The following PARD3B variants were observed in gnomAD, a reference collection of about 807,000 sequenced individuals.
The protein encoded by PARD3B is partitioning defective 3 homolog B.
PARD3B carries 103 observed loss-of-function variants against 130.2 expected under a neutral mutation model. The observed-to-expected ratio is 0.79, with a 90% CI of 0.67 to 0.93. PARD3B has a LOEUF of 0.93. PARD3B is among the 40% of genes least tolerant of loss of function. PARD3B has a pLI of 0.00. For synonymous variants in PARD3B, 583 were observed against 553.2 expected, an observed-to-expected ratio of 1.05 and a Z score of -0.76; for missense variants, 1,609 against 1,499.2, an observed-to-expected ratio of 1.07 and a Z score of -1.21.
intron 1 of PARD3B, among the ~76,000 whole-genome samples, chr2:204,661,621 A>G (rs949074453): frequency 1.3e-5 from 2 of 152,182 alleles, no homozygotes; most frequent in African/African-American, 4.8e-5. Flanking sequence ...GAGCTTAAGT[A>G]TATGTGGCTT....
intron 18 of PARD3B, among the ~76,000 whole-genome samples, chr2:205,391,633 T>G (rs555798334): frequency 2.9e-4 from 44 of 152,318 alleles, no homozygotes; most frequent in African/African-American, 1.1e-3. Context: ...CCAGTGAAAG[T>G]GTATGAAAGC....
intron 2 of PARD3B, among the ~76,000 whole-genome samples, chr2:204,783,770 A>T (rs1301844247): frequency 6.6e-6 from 1 of 152,106 alleles, no homozygotes; most frequent in Non-Finnish European, 1.5e-5. Flanking sequence ...AAACCTAAGC[A>T]GCCTGGCTTC....
At chr2:205,471,014 T>G (rs1339415161) in intron 20 of PARD3B, among the ~76,000 whole-genome samples, 1 of 152,232 alleles carries the variant, frequency 6.6e-6, no homozygotes, top group East Asian at 1.9e-4. Flanking sequence ...GTCTGATGTT[T>G]GACAAGTTGC....
At chr2:205,385,838 C>T (rs1171870315) in intron 18 of PARD3B, among the ~76,000 whole-genome samples, 1 of 152,016 alleles carries the variant, frequency 6.6e-6, no homozygotes, top group African/African-American at 2.4e-5. Flanking sequence ...TTTCAGTATA[C>T]CAATACTTTG....
chr2:205,299,949 T>G (rs2041936637), intron 16 of PARD3B, among the ~76,000 whole-genome samples: 2 of 152,178 alleles, frequency 1.3e-5, no homozygotes, highest in Admixed American at 6.5e-5. Context: ...TAGGGTAAGG[T>G]AAAGTGTTTA....
chr2:204,766,807 C>CAA (rs57504030), intron 2 of PARD3B, among the ~76,000 whole-genome samples: 41 of 141,832 alleles, frequency 2.9e-4, no homozygotes, highest in African/African-American at 8.2e-4. Context: ...TTTTGTAAAT[C>CAA]AAAAAAAAAA....
Position 205,116,202 on chromosome 2 carries a change from A to C in PARD3B, c.680+2625A>C, listed in dbSNP as rs991647529. ...ACTTAATTTTATTCAGATTTTTAAAATCAATGTGGTTTTTGTGAATTAAAA... is the reference window on the plus strand; with the variant it reads ...ACTTAATTTTATTCAGATTTTTAAACTCAATGTGGTTTTTGTGAATTAAAA... On this transcript the variant is annotated intron_variant, in intron 6 of 22. Coordinates refer to ENST00000406610, the MANE Select transcript of PARD3B (RefSeq NM_001302769.2). The surrounding 1 kb of genome is among the most constrained non-coding windows in gnomAD (Gnocchi z 4.5). Among the ~76,000 whole-genome samples the C allele has an allele frequency of 5.9e-5, 9 of 152,214 alleles. No homozygotes were observed. Among genetic ancestry groups the C allele is most frequent in the Admixed American group, 5.9e-4 (9 of 15,278 alleles).
chr2:204,840,195 T>G (rs1015091160), intron 2 of PARD3B, among the ~76,000 whole-genome samples: 2 of 152,186 alleles, frequency 1.3e-5, no homozygotes, highest in African/African-American at 4.8e-5. Flanking sequence ...GAATATAAAT[T>G]GAAGGGTCAG....
chr2:205,374,180 GA>G lies in PARD3B; in HGVS notation c.2631-26820del, dbSNP rs58332160. 1.9e-3 allele frequency among the ~76,000 whole-genome samples: 273 copies of G among 143,394 alleles called. 3 individuals carry two copies. The highest frequency in any genetic ancestry group is 7.2e-3 in the Middle Eastern group (2 of 276). 94.1% of individuals were successfully genotyped at this position (143,394 alleles called of 152,430 possible). A position where few individuals can be genotyped will look rare whatever the true frequency, so the allele number is the denominator to read the frequency against. ...ACATTACAGGAAATTGAGGAAAAAT[GA>G]AAAAAAAAAAAAGATGCTCTCTTCT... On this transcript the variant is annotated intron_variant, in intron 18 of 22. Coordinates refer to ENST00000406610, the MANE Select transcript of PARD3B (RefSeq NM_001302769.2).
intron 3 of PARD3B, among the ~76,000 whole-genome samples, chr2:205,028,591 C>G (rs1172383583): frequency 1.3e-5 from 2 of 152,104 alleles, no homozygotes; most frequent in Non-Finnish European, 2.9e-5. Flanking sequence ...TAGCGGCCTT[C>G]CCTTCAGAGA....
At chr2:205,003,006 A>G (rs1694968321) in intron 3 of PARD3B, among the ~76,000 whole-genome samples, 1 of 152,174 alleles carries the variant, frequency 6.6e-6, no homozygotes, top group Non-Finnish European at 1.5e-5. Flanking sequence ...GCTGATGTGG[A>G]GCTTAACAAG....
At chr2:204,940,476 GT>G (rs11314705) in intron 2 of PARD3B, among the ~76,000 whole-genome samples, 35,315 of 145,462 alleles carry the variant, frequency 0.24, 4,351 homozygotes, top group African/African-American at 0.3. Flanking sequence ...TAACTTGAGA[GT>G]TTTTTTTTTT....
intron 3 of PARD3B, among the ~76,000 whole-genome samples, chr2:205,020,671 T>A (rs1329560611): frequency 2.0e-5 from 3 of 152,142 alleles, no homozygotes; most frequent in African/African-American, 7.2e-5. Flanking sequence ...CAGGACCTTG[T>A]TATATGTAGG....
chr2:204,785,399 C>G (rs2041975310), intron 2 of PARD3B, among the ~76,000 whole-genome samples: 1 of 152,140 alleles, frequency 6.6e-6, no homozygotes, highest in African/African-American at 2.4e-5. Context: ...ATGTGCCAGC[C>G]CCTGCTCTTA....
rs540418285 is a variant in PARD3B at position 205,227,881 on chromosome 2, G to A, written c.2141-17897G>A. On this transcript the variant is annotated intron_variant, in intron 15 of 22. Coordinates refer to ENST00000406610, the MANE Select transcript of PARD3B (RefSeq NM_001302769.2). The stretch of plus-strand genomic sequence containing the variant: ...TGTTTTTGATTTGAGGTTACCATGA[G>A]GCTTCCAAATACTATCTTATAACCC... Among the ~76,000 whole-genome samples the A allele has an allele frequency of 3.3e-5, 5 of 151,936 alleles. 1 individual carries two copies. The highest frequency in any genetic ancestry group is 1.2e-4 in the African/African-American group (5 of 41,464).
chr2:204,728,139 C>G (rs1320064535), intron 2 of PARD3B, among the ~76,000 whole-genome samples: 1 of 152,134 alleles, frequency 6.6e-6, no homozygotes, highest in African/African-American at 2.4e-5. Context: ...TAAAATTTGC[C>G]TGGGTTCTCC....
At chr2:205,215,218 A>G (rs1426460945) in intron 15 of PARD3B, among the ~76,000 whole-genome samples, 3 of 152,020 alleles carry the variant, frequency 2.0e-5, no homozygotes, top group African/African-American at 4.8e-5. Flanking sequence ...GATATTTACT[A>G]TGGATAATAT....
At chr2:204,611,707 C>T (rs1352676574) in intron 1 of PARD3B, among the ~76,000 whole-genome samples, 1 of 152,058 alleles carries the variant, frequency 6.6e-6, no homozygotes, top group African/African-American at 2.4e-5. Context: ...TTACTATATA[C>T]ATGTATGGAC....
intron 3 of PARD3B, among the ~76,000 whole-genome samples, chr2:204,999,885 G>A (rs1437726229): frequency 6.6e-6 from 1 of 152,106 alleles, no homozygotes; most frequent in African/African-American, 2.4e-5. Flanking sequence ...AACTTTAAAG[G>A]TTTATCTCAG....
Sources: allele counts gnomAD v4.1 joint callset (sites outside exome capture counted in the v4.1 genomes callset), GRCh38; gene constraint gnomAD v4.1.1; non-coding constraint Gnocchi (gnomAD v3.1); transcripts MANE v1.5; gene names NCBI Gene and HGNC (gene_info 2026-07-23, HGNC 2026-07-21).